ADSL: variants seen among roughly 807,000 people sequenced by gnomAD.
The protein encoded by ADSL is adenylosuccinase.
ADSL carries 44 observed loss-of-function variants against 62.1 expected under a neutral mutation model. The ratio of observed to expected loss-of-function variants is 0.71; its 90% CI spans 0.56 to 0.91. The LOEUF (loss-of-function observed/expected upper bound fraction) is 0.91, where lower values mean the gene tolerates loss of function less well. Ranked by LOEUF, ADSL falls within the 40% of genes least tolerant of loss-of-function variation. ADSL has a pLI of 0.00. For missense variants in ADSL, 531 were observed against 627.4 expected (o/e 0.85, Z 1.64); for synonymous variants, 198 against 220.5 (o/e 0.90, Z 0.90).
chr22:40,383,192 G>T (rs1046823285), intron 2 of ADSL, among the ~76,000 whole-genome samples: 1 of 152,112 alleles, frequency 6.6e-6, no homozygotes, highest in African/African-American at 2.4e-5. Context: ...GAACGGCCGG[G>T]TGCAGTGGCT....
chr22:40,365,278 G>A (rs1689701667), intron 12 of ADSL, among the ~76,000 whole-genome samples: 2 of 152,130 alleles, frequency 1.3e-5, no homozygotes, highest in African/African-American at 4.8e-5. Flanking sequence ...GCTGAGTGCA[G>A]TGGTGCTGGG....
chr22:40,352,938 G>A (rs1166133308), intron 2 of ADSL, 135 bp from the exon 3 acceptor site: 2 of 709,092 alleles, frequency 2.8e-6, no homozygotes, highest in Non-Finnish European at 5.2e-6. Flanking sequence ...GTATTTTCTG[G>A]CGTGCTTAGT....
At chr22:40,372,233 TCTC>T (rs1433768730), downstream of ADSL, among the ~76,000 whole-genome samples, 4 of 146,918 alleles carry the variant, frequency 2.7e-5, no homozygotes, top group Admixed American at 7.0e-5. Context: ...TTCACGCCAT[TCTC>T]CTGCCTCAGC....
At chr22:40,377,412 G>GT (rs1198164164) in intron 2 of ADSL, among the ~76,000 whole-genome samples, 1 of 152,128 alleles carries the variant, frequency 6.6e-6, no homozygotes, top group Admixed American at 6.6e-5. Flanking sequence ...CTTTTCCTTG[G>GT]TTTTATGTCC....
intron 2 of ADSL, among the ~76,000 whole-genome samples, chr22:40,375,904 G>A (rs777512935): frequency 6.6e-6 from 1 of 151,824 alleles, no homozygotes; most frequent in Non-Finnish European, 1.5e-5. Context: ...AACCAGATAT[G>A]GTGGCGTGTG....
intron 2 of ADSL, among the ~76,000 whole-genome samples, chr22:40,386,976 G>T (rs2048569900): frequency 6.6e-6 from 1 of 151,898 alleles, no homozygotes; most frequent in Non-Finnish European, 1.5e-5. Context: ...AATCTGGCTG[G>T]CTCCCACTAG....
At chr22:40,346,944 G>T (rs1457109745) in intron 1 of ADSL, among the ~76,000 whole-genome samples, 2 of 152,244 alleles carry the variant, frequency 1.3e-5, no homozygotes, top group Non-Finnish European at 2.9e-5. Flanking sequence ...AGACGCGGAG[G>T]AGGCTGGGAG....
At chr22:40,364,158 A>ACT in intron 10 of ADSL, 118 bp from the exon 11 acceptor site, 1 of 770,254 alleles carries the variant, frequency 1.3e-6, no homozygotes, top group Non-Finnish European at 2.3e-6. Flanking sequence ...ACAACTTGTT[A>ACT]CTCTCCATAA....
At chr22:40,371,759 T>A (rs557575963), downstream of ADSL, among the ~76,000 whole-genome samples, 1 of 151,932 alleles carries the variant, frequency 6.6e-6, no homozygotes, top group East Asian at 1.9e-4. Context: ...TGCAATGACA[T>A]GATCTCGGCT....
At chr22:40,350,374 C>G (rs908877124) in intron 2 of ADSL, 4 of 262,208 alleles carry the variant, frequency 1.5e-5, no homozygotes, top group Admixed American at 5.1e-5. Context: ...GATCCACCCC[C>G]CTCAGCCTCC....
intron 2 of ADSL, among the ~76,000 whole-genome samples, chr22:40,351,304 G>C (rs1235351649): frequency 6.6e-6 from 1 of 151,884 alleles, no homozygotes; most frequent in Non-Finnish European, 1.5e-5. Flanking sequence ...CCTAGTAGCT[G>C]GGATTATAGG....
downstream of ADSL, among the ~76,000 whole-genome samples, chr22:40,370,183 T>C (rs2045167745): frequency 6.6e-6 from 1 of 151,594 alleles, no homozygotes; most frequent in Non-Finnish European, 1.5e-5. Context: ...CTACTAAAAA[T>C]ACTGTACTAA....
rs2045107001 is a variant in ADSL, at chr22:40,369,187, G to C, written c.*2665G>C. On this transcript the variant is annotated 3_prime_UTR_variant, in exon 13 of 13. Transcript: ENST00000623063. ...GTCTTGTTCCTGTCCTAACAATTCT[G>C]TTAGACTAATGATCTCCAGTGATTG... The C allele has an allele frequency of 6.6e-6, 1 of 152,112 alleles. No homozygotes were observed. The highest frequency in any genetic ancestry group is 6.5e-5 in the Admixed American group (1 of 15,268). The allele number at this position is 152,112 out of a possible 1,614,324, so 9.4% of individuals were successfully genotyped here. A position where few individuals can be genotyped will look rare whatever the true frequency, so the allele number is the denominator to read the frequency against.
chr22:40,373,850 G>A (rs769757903), downstream of ADSL, among the ~76,000 whole-genome samples: 1 of 152,172 alleles, frequency 6.6e-6, no homozygotes, highest in East Asian at 1.9e-4. Context: ...TCTTGACCTC[G>A]TGATCCGCCC....
intron 2 of ADSL, among the ~76,000 whole-genome samples, chr22:40,381,823 GGT>G (rs1491186756): frequency 6.6e-6 from 1 of 152,142 alleles, no homozygotes; most frequent in African/African-American, 2.4e-5. Context: ...AGCCAGGCAT[GGT>G]GGTATATGCC....
intron 4 of ADSL, among the ~76,000 whole-genome samples, chr22:40,356,570 C>T (rs2044568502): frequency 6.6e-6 from 1 of 150,636 alleles, no homozygotes; most frequent in Non-Finnish European, 1.5e-5. Flanking sequence ...TTAGGCTGGT[C>T]ATAGTGACTT....
downstream of ADSL, among the ~76,000 whole-genome samples, chr22:40,369,824 G>T (rs1268819253): frequency 6.6e-6 from 1 of 152,276 alleles, no homozygotes; most frequent in East Asian, 1.9e-4. Context: ...TGAAATGTCT[G>T]CTCAGCTGAA....
chr22:40,375,910 G>C (rs978320786), intron 2 of ADSL, among the ~76,000 whole-genome samples: 1 of 151,904 alleles, frequency 6.6e-6, no homozygotes, highest in African/African-American at 2.4e-5. Flanking sequence ...ATATGGTGGC[G>C]TGTGCTTGTG....
At position 40,369,230 on chromosome 22, in the gene ADSL, C is replaced by T. The variant is rs2045109284; in HGVS notation, c.*2708C>T. On this transcript the variant is annotated 3_prime_UTR_variant, in exon 13 of 13. Coordinates refer to ENST00000623063, the MANE Select transcript of ADSL (RefSeq NM_000026.4). ...AGTGATTGGCGATTTGACCTGGTTT[C>T]TTCCTGGACTATTTGAATGGGTGGA... 1 of 152,060 alleles carries T rather than the reference C, an allele frequency of 6.6e-6. No individual in the cohort carries two copies. Among genetic ancestry groups the T allele is most frequent in the Non-Finnish European group, 1.5e-5 (1 of 68,006 alleles). 9.4% of individuals were successfully genotyped at this position (152,060 alleles called of 1,614,324 possible).
Sources: allele counts gnomAD v4.1 joint callset (sites outside exome capture counted in the v4.1 genomes callset), GRCh38; gene constraint gnomAD v4.1.1; transcripts MANE v1.5; gene names NCBI Gene and HGNC (gene_info 2026-07-23, HGNC 2026-07-21).